The following SHC4 variants were observed in gnomAD, a reference collection of about 807,000 sequenced individuals.
SHC4 encodes SHC-transforming protein 4.
Under a neutral mutation model 69.4 loss-of-function variants are expected in SHC4, and 41 were observed. The observed-to-expected ratio is 0.59, with a 90% CI of 0.46 to 0.77. SHC4 has a LOEUF of 0.77. Among genes scored for constraint, SHC4 ranks in the 30% least tolerant of loss-of-function variants. The pLI is 0.00. For missense variants in SHC4, 777 were observed against 783.8 expected (o/e 0.99, Z 0.10); for synonymous variants, 318 against 299.3 (o/e 1.06, Z -0.64).
intron 7 of SHC4, among the ~76,000 whole-genome samples, chr15:48,856,812 T>G (rs1386948668): frequency 1.3e-5 from 2 of 151,896 alleles, no homozygotes; most frequent in Non-Finnish European, 2.9e-5. Flanking sequence ...CAAGTCTATT[T>G]GGATTGAACT....
chr15:48,853,962 T>C (rs940483931), intron 8 of SHC4, among the ~76,000 whole-genome samples: 2 of 151,170 alleles, frequency 1.3e-5, no homozygotes, highest in Non-Finnish European at 2.9e-5. Context: ...GCAAGAAAAA[T>C]AAAAATGGAC....
chr15:48,895,886 C>T (rs955774491), intron 2 of SHC4, among the ~76,000 whole-genome samples: 15 of 152,080 alleles, frequency 9.9e-5, no homozygotes, highest in Non-Finnish European at 1.9e-4. Flanking sequence ...ACTTCGAGAC[C>T]AACTGGACAA....
intron 4 of SHC4, chr15:48,878,070 G>A (rs1899852344): frequency 2.1e-6 from 3 of 1,425,428 alleles, no homozygotes; most frequent in Non-Finnish European, 2.8e-6. Flanking sequence ...CCACGCCTGC[G>A]CGCGGGGTTA....
At chr15:48,917,314 GTGTTTTTGT>G (rs1442890307) in intron 2 of SHC4, among the ~76,000 whole-genome samples, 30 of 150,758 alleles carry the variant, frequency 2.0e-4, no homozygotes, top group African/African-American at 7.3e-4. Flanking sequence ...TTTAGGTCAG[GTGTTTTTGT>G]TGTTGTTATT....
intron 2 of SHC4, among the ~76,000 whole-genome samples, chr15:48,919,797 G>C (rs923795758): frequency 6.6e-6 from 1 of 151,834 alleles, no homozygotes; most frequent in Non-Finnish European, 1.5e-5. Context: ...CATCACACTC[G>C]AGCTTCCATA....
chr15:48,912,984 T>A (rs1172143430), intron 2 of SHC4, among the ~76,000 whole-genome samples: 1 of 106,086 alleles, frequency 9.4e-6, no homozygotes. Context: ...CCTGTTCCAG[T>A]GGAGGGGGTG....
At chr15:48,920,133 G>A (rs961063081) in intron 2 of SHC4, among the ~76,000 whole-genome samples, 1 of 151,378 alleles carries the variant, frequency 6.6e-6, no homozygotes, top group Non-Finnish European at 1.5e-5. Flanking sequence ...TCTTGCCTCA[G>A]CCTCCTGAGT....
At chr15:48,932,185 C>T (rs1900978234) in intron 1 of SHC4, among the ~76,000 whole-genome samples, 1 of 152,096 alleles carries the variant, frequency 6.6e-6, no homozygotes, top group Non-Finnish European at 1.5e-5. Context: ...GTCCGATCCC[C>T]CAATCATTCT....
At position 48,962,566 on chromosome 15, in the gene SHC4, C is replaced by T. The variant is rs1485850680; in HGVS notation, c.450G>A (p.Leu150=). The change falls in exon 1 of 12, where the codon CTG becomes CTA. Residue 150 remains leucine, a synonymous_variant. Transcript: ENST00000332408. ...SGTAPPPQQD[L]VGHRATALTP... ...TTAGGGCGGTTGCCCTGTGTCCCAC[C>T]AGGTCCTGCTGCGGTGGAGGTGCAG... The T allele has an allele frequency of 1.2e-6, 2 of 1,611,070 alleles. No homozygotes were observed. The highest frequency in any genetic ancestry group is 1.7e-5 in the Admixed American group (1 of 59,758).
At chr15:48,919,295 A>ATTTTTATTTTTTTTTTTTTTTTT (rs1900691902) in intron 2 of SHC4, among the ~76,000 whole-genome samples, 1 of 71,216 alleles carries the variant, frequency 1.4e-5, no homozygotes, top group African/African-American at 5.2e-5. Flanking sequence ...ATTTATTTTA[A>ATTTTTATTTTTTTTTTTTTTTTT]TTTTTTTTTT....
At chr15:48,850,920 C>T (rs768320599) in intron 9 of SHC4, among the ~76,000 whole-genome samples, 11 of 152,144 alleles carry the variant, frequency 7.2e-5, no homozygotes, top group Non-Finnish European at 2.9e-5. Flanking sequence ...AGAGAGAGAG[C>T]TTTCATGATT....
chr15:48,914,976 C>G (rs1171082254), intron 2 of SHC4, among the ~76,000 whole-genome samples: 4 of 152,124 alleles, frequency 2.6e-5, no homozygotes, highest in African/African-American at 9.7e-5. Flanking sequence ...CTGTAGGTAC[C>G]CCATATAAGA....
chr15:48,914,193 C>T (rs1012418688), intron 2 of SHC4, among the ~76,000 whole-genome samples: 11 of 152,208 alleles, frequency 7.2e-5, no homozygotes, highest in African/African-American at 1.4e-4. Context: ...TTGAGCCTTT[C>T]GCTTGATTGT....
At chr15:48,948,695 C>T (rs1262566370) in intron 1 of SHC4, among the ~76,000 whole-genome samples, 1 of 151,940 alleles carries the variant, frequency 6.6e-6, no homozygotes, top group Non-Finnish European at 1.5e-5. Context: ...TACTTGAGCC[C>T]TGGAGTTTGA....
intron 2 of SHC4, among the ~76,000 whole-genome samples, chr15:48,903,370 G>A (rs748824637): frequency 2.6e-5 from 4 of 152,138 alleles, no homozygotes; most frequent in African/African-American, 7.2e-5. Flanking sequence ...GGTGCCTCCC[G>A]TCTAGCTCAC....
chr15:48,914,783 A>T (rs1900585192), intron 2 of SHC4, among the ~76,000 whole-genome samples: 1 of 152,196 alleles, frequency 6.6e-6, no homozygotes, highest in African/African-American at 2.4e-5. Context: ...CATTTTAATA[A>T]TTTTTAAGCA....
chr15:48,894,973 T>G (rs1441154836), intron 2 of SHC4, among the ~76,000 whole-genome samples: 2 of 151,968 alleles, frequency 1.3e-5, no homozygotes, highest in Non-Finnish European at 2.9e-5. Flanking sequence ...TTTCTTTTCC[T>G]TTTTTATTTT....
chr15:48,918,987 C>T (rs1310917006), intron 2 of SHC4, among the ~76,000 whole-genome samples: 2 of 152,210 alleles, frequency 1.3e-5, no homozygotes, highest in African/African-American at 2.4e-5. Context: ...TCAAATTCAA[C>T]AAGCCCCAGG....
At chr15:48,938,635 T>C (rs983042793) in intron 1 of SHC4, among the ~76,000 whole-genome samples, 3 of 152,170 alleles carry the variant, frequency 2.0e-5, no homozygotes, top group East Asian at 1.9e-4. Flanking sequence ...TCTCTTGCAA[T>C]TGGGGAGGCA....
Sources: allele counts gnomAD v4.1 joint callset (sites outside exome capture counted in the v4.1 genomes callset), GRCh38; gene constraint gnomAD v4.1.1; transcripts MANE v1.5; gene names NCBI Gene and HGNC (gene_info 2026-07-23, HGNC 2026-07-21).